The following CPD variants were observed in gnomAD, a reference collection of about 807,000 sequenced individuals.
CPD encodes carboxypeptidase D.
A neutral mutation model predicts 138.3 loss-of-function variants in CPD; 69 were observed. The observed-to-expected ratio is 0.50, with a 90% CI of 0.41 to 0.61. The LOEUF (loss-of-function observed/expected upper bound fraction) is 0.61, where lower values mean the gene tolerates loss of function less well. Ranked by LOEUF, CPD falls within the 20% of genes least tolerant of loss-of-function variation. CPD has a pLI of 0.00. For synonymous variants in CPD, 651 were observed against 642.1 expected (o/e 1.01, Z -0.21); for missense variants, 1,432 against 1,733.3 (o/e 0.83, Z 3.09).
intron 2 of CPD, among the ~76,000 whole-genome samples, chr17:30,401,842 A>G (rs1911680323): frequency 6.6e-6 from 1 of 150,668 alleles, no homozygotes; most frequent in African/African-American, 2.4e-5. Context: ...CCATGCATGG[A>G]TTTTTTTGCA....
chr17:30,459,933 C>A lies in CPD; in HGVS notation c.3499-1247C>A, dbSNP rs554487849. On this transcript the variant is annotated intron_variant, in intron 17 of 20. Coordinates refer to ENST00000225719, the MANE Select transcript of CPD (RefSeq NM_001304.5). ...TTATTCCCATTTCTGCCTGTCTTCCCTCCTTTATTTACTAAGAACTTACTA... is the reference window on the plus strand; with the variant it reads ...TTATTCCCATTTCTGCCTGTCTTCCATCCTTTATTTACTAAGAACTTACTA... Among the ~76,000 whole-genome samples the A allele has an allele frequency of 3.3e-5, 5 of 152,228 alleles. No individual in the cohort carries two copies. In the South Asian group the frequency reaches 1.0e-3, roughly 32 times the overall value.
intron 1 of CPD, chr17:30,380,543 G>A: frequency 6.8e-7 from 1 of 1,468,474 alleles, no homozygotes. Context: ...CACTTTAAGT[G>A]TTATTAAGCA....
intron 6 of CPD, among the ~76,000 whole-genome samples, chr17:30,425,237 A>T (rs1291291475): frequency 1.3e-5 from 2 of 152,248 alleles, no homozygotes; most frequent in Non-Finnish European, 2.9e-5. Flanking sequence ...TTAAACTTCC[A>T]GCTGTGCTCT....
intron 2 of CPD, among the ~76,000 whole-genome samples, chr17:30,395,359 C>G (rs1471300763): frequency 3.9e-5 from 6 of 152,040 alleles, no homozygotes; most frequent in Non-Finnish European, 4.4e-5. Flanking sequence ...TTGGTCTTAC[C>G]TGATCTTGCA....
chr17:30,461,713 G>C (rs988797900), intron 18 of CPD, among the ~76,000 whole-genome samples, 164 bp from the exon 19 acceptor site: 4 of 152,176 alleles, frequency 2.6e-5, no homozygotes, highest in African/African-American at 9.7e-5. Context: ...CAGAGTCAGT[G>C]GGGAGGGAAG....
At chr17:30,464,278 A>G (rs1913571447) in intron 20 of CPD, among the ~76,000 whole-genome samples, 1 of 152,108 alleles carries the variant, frequency 6.6e-6, no homozygotes, top group South Asian at 2.1e-4. Flanking sequence ...CTGTGGTACT[A>G]CTTGGGAGGC....
At chr17:30,426,186 C>T (rs1485809703) in intron 6 of CPD, among the ~76,000 whole-genome samples, 2 of 128,024 alleles carry the variant, frequency 1.6e-5, no homozygotes, top group South Asian at 2.5e-4. Flanking sequence ...GGCGACAAGG[C>T]GAGGCTCCGT....
intron 14 of CPD, 123 bp from the exon 15 acceptor site, chr17:30,455,216 A>C: frequency 1.2e-6 from 1 of 823,566 alleles, no homozygotes; most frequent in South Asian, 1.8e-5. Flanking sequence ...TGGAGAAATA[A>C]AATATTTATC....
At position 30,442,422 on chromosome 17, in the gene CPD, G is replaced by A. The variant is rs760026361; in HGVS notation, c.2345G>A (p.Arg782Gln). 3.0e-5 allele frequency: 48 copies of A among 1,613,200 alleles called. No individual in the cohort carries two copies. Among genetic ancestry groups the A allele is most frequent in the East Asian group, 6.7e-5 (3 of 44,854 alleles). ...KELPNFWEQNRRSLIQFMKQV... is the reference protein window; with the variant it reads ...KELPNFWEQNQRSLIQFMKQV... ...CTGCCAAACTTTTGGGAACAGAATC[G>A]AAGATCACTAATCCAGTTTATGAAA... Residue 782 changes from arginine (R) to glutamine (Q), a missense_variant, in exon 10 of 21, where the codon CGA becomes CAA. Arg to Gln is a conservative substitution (Grantham distance 43). This residue lies in a region of CPD where 297 missense variants were observed against 405.3 expected (regional missense o/e 0.73). Coordinates refer to ENST00000225719, the MANE Select transcript of CPD (RefSeq NM_001304.5).
intron 12 of CPD, among the ~76,000 whole-genome samples, chr17:30,449,122 A>G (rs1045748911): frequency 6.6e-6 from 1 of 150,758 alleles, no homozygotes. Flanking sequence ...AAATATAATG[A>G]CAATAATATA....
intron 2 of CPD, among the ~76,000 whole-genome samples, chr17:30,393,873 G>A (rs1195001927): frequency 6.6e-6 from 1 of 152,144 alleles, no homozygotes. Flanking sequence ...AGGAGCAGTG[G>A]AGCACACTTG....
At chr17:30,402,000 TAAC>T (rs1567869159) in intron 2 of CPD, among the ~76,000 whole-genome samples, 2 of 151,576 alleles carry the variant, frequency 1.3e-5, no homozygotes, top group Non-Finnish European at 2.9e-5. Flanking sequence ...ACTCCAGTGA[TAAC>T]AATAGTAGGC....
chr17:30,456,756 C>A (rs950986521), intron 17 of CPD: 1 of 378,842 alleles, frequency 2.6e-6, no homozygotes, highest in Non-Finnish European at 4.9e-6. Flanking sequence ...TCAGGAGAAT[C>A]GCTTGAACCT....
At position 30,431,780 on chromosome 17, in the gene CPD, G is replaced by A. The variant is rs1912572632; in HGVS notation, c.2026G>A (p.Val676Met). 6.2e-7 allele frequency: 1 copy of A among 1,607,968 alleles called. No homozygotes were observed. The highest frequency in any genetic ancestry group is 8.5e-7 in the Non-Finnish European group (1 of 1,175,664). ...CCTCTTTTCCCTTATAGGTTCTTTG[G>A]TGGTTAACTACCCTTTTGATGATGA... ...LSANLHGGSLVVNYPFDDDEQ... is the reference protein window; with the variant it reads ...LSANLHGGSLMVNYPFDDDEQ... The change falls in exon 8 of 21, where the codon GTG (valine) becomes ATG (methionine). Residue 676 changes from valine to methionine, a missense_variant. Val to Met is a conservative substitution (Grantham distance 21). Transcript: ENST00000225719.
chr17:30,464,017 AAGC>A (rs1276772672), intron 20 of CPD, among the ~76,000 whole-genome samples: 1 of 152,232 alleles, frequency 6.6e-6, no homozygotes, highest in Non-Finnish European at 1.5e-5. Flanking sequence ...AAGTCATAAA[AAGC>A]AGGTTGCAGA....
intron 5 of CPD, 86 bp downstream of exon 5, chr17:30,423,109 C>T: frequency 9.6e-7 from 1 of 1,040,988 alleles, no homozygotes; most frequent in Non-Finnish European, 1.4e-6. Flanking sequence ...GAAAGGTCGC[C>T]TACAGTTTGT....
At chr17:30,419,368 C>T (rs955212364) in intron 2 of CPD, among the ~76,000 whole-genome samples, 3 of 152,172 alleles carry the variant, frequency 2.0e-5, no homozygotes, top group African/African-American at 7.2e-5. Context: ...GAGACAGAGT[C>T]GCACTCTGTT....
In CPD at chr17:30,468,045, T is replaced by A. The variant is rs1016754643; in HGVS notation, c.*3231T>A. 4 of 152,210 alleles carry A rather than the reference T, an allele frequency of 2.6e-5. No homozygotes were observed. The highest frequency in any genetic ancestry group is 7.2e-5 in the African/African-American group (3 of 41,472). 9.4% of individuals were successfully genotyped at this position (152,210 alleles called of 1,614,324 possible). A position where few individuals can be genotyped will look rare whatever the true frequency, so the allele number is the denominator to read the frequency against. ...TTCTGATTTGTTTTAGCTAAAATTT[T>A]GGGGATATGATTTGGGTCTTTGATT... On this transcript the variant is annotated 3_prime_UTR_variant, in exon 21 of 21. Coordinates refer to ENST00000225719, the MANE Select transcript of CPD (RefSeq NM_001304.5).
intron 2 of CPD, among the ~76,000 whole-genome samples, chr17:30,386,236 C>T (rs562454146): frequency 5.9e-5 from 9 of 152,046 alleles, no homozygotes; most frequent in East Asian, 5.8e-4. Context: ...GCTGTGTTGC[C>T]GAGGCTGATC....
Sources: allele counts gnomAD v4.1 joint callset (sites outside exome capture counted in the v4.1 genomes callset), GRCh38; gene constraint gnomAD v4.1.1; regional missense constraint gnomAD v4.1.1; transcripts MANE v1.5; gene names NCBI Gene and HGNC (gene_info 2026-07-23, HGNC 2026-07-21).